Variants in CCDC34 observed in about 807,000 individuals in gnomAD.
The protein encoded by CCDC34 is coiled-coil domain containing 34, also known as coiled-coil domain-containing protein 34.
In CCDC34, 40 loss-of-function variants were observed where a neutral mutation model predicts 44.1. The observed-to-expected ratio is 0.91, with a 90% CI of 0.70 to 1.18. The LOEUF (loss-of-function observed/expected upper bound fraction) is 1.18. Among genes scored for constraint, CCDC34 ranks in the 50% most tolerant of loss-of-function variants. CCDC34 has a pLI of 0.00. For synonymous variants in CCDC34, 159 were observed against 158.2 expected (o/e 1.01, Z -0.04); for missense variants, 466 against 452.3 (o/e 1.03, Z -0.28).
chr11:27,346,333 T>C (rs532650766), intron 3 of CCDC34, among the ~76,000 whole-genome samples: 39 of 144,398 alleles, frequency 2.7e-4, no homozygotes, highest in African/African-American at 9.0e-4. Context: ...GAGGCAGAGG[T>C]GCGGTGAGCC....
intron 2 of CCDC34, among the ~76,000 whole-genome samples, chr11:27,354,369 GTTA>G (rs1439357044): frequency 1.3e-5 from 2 of 152,240 alleles, no homozygotes; most frequent in East Asian, 3.9e-4. Flanking sequence ...CTTCATAGCA[GTTA>G]TTATGATCTC....
At chr11:27,351,237 C>T (rs930014292) in intron 2 of CCDC34, among the ~76,000 whole-genome samples, 2 of 152,172 alleles carry the variant, frequency 1.3e-5, no homozygotes, top group African/African-American at 4.8e-5. Flanking sequence ...AGATACCTTA[C>T]GTATCTTCTG....
intron 3 of CCDC34, among the ~76,000 whole-genome samples, chr11:27,344,407 T>C (rs926020600): frequency 3.3e-5 from 5 of 152,066 alleles, no homozygotes; most frequent in Non-Finnish European, 7.4e-5. Flanking sequence ...GTTACAAACA[T>C]GTATGCTATA....
chr11:27,362,910 G>A lies in CCDC34; in HGVS notation c.285C>T (p.Asp95=), dbSNP rs368035683. Residue 95 remains aspartate (D), a synonymous_variant, in exon 1 of 6, where the codon GAC becomes GAT. Transcript: ENST00000328697. ...EDEEDVDDEE[D]VDEDAHDSEA... ...CTGAATCATGGGCATCTTCATCCAC[G>A]TCTTCCTCATCATCCACGTCTTCCT... 6.3e-7 allele frequency: 1 copy of A among 1,592,004 alleles called. No individual in the cohort carries two copies.
At position 27,350,378 on chromosome 11, in the gene CCDC34, A is replaced by G. The variant is rs1290130706; in HGVS notation, c.560T>C (p.Ile187Thr). The change falls in exon 3 of 6, where the codon ATT becomes ACT. Residue 187 changes from isoleucine to threonine, a missense_variant. Transcript: ENST00000328697. ...EMEEREKRKI[I>T]AEEKHKEWVQ... is the part of the protein sequence containing the mutation. The stretch of plus-strand genomic sequence containing the variant: ...CCATTCCTTGTGCTTTTCTTCAGCA[A>G]TTATCTTTCTTTTTTCACGTTCTTC... 2 of 1,613,288 alleles carry G rather than the reference A, an allele frequency of 1.2e-6. No homozygotes were observed. The highest frequency in any genetic ancestry group is 2.2e-5 in the East Asian group (1 of 44,840).
At chr11:27,345,620 A>G (rs12804551) in intron 3 of CCDC34, among the ~76,000 whole-genome samples, 2 of 151,802 alleles carry the variant, frequency 1.3e-5, no homozygotes, top group South Asian at 2.1e-4. Context: ...TGAACTCATC[A>G]TTTTTTATGG....
intron 3 of CCDC34, chr11:27,349,334 T>G: frequency 1.1e-6 from 1 of 898,540 alleles, no homozygotes; most frequent in Non-Finnish European, 1.3e-6. Context: ...AGTAATTGAC[T>G]TCTAAACAAA....
At chr11:27,346,330 A>G (rs1184862622) in intron 3 of CCDC34, among the ~76,000 whole-genome samples, 1 of 149,508 alleles carries the variant, frequency 6.7e-6, no homozygotes, top group East Asian at 2.0e-4. Context: ...CGGGAGGCAG[A>G]GGTGCGGTGA....
intron 2 of CCDC34, 47 bp downstream of exon 2, chr11:27,357,356 C>T: frequency 6.4e-7 from 1 of 1,562,998 alleles, no homozygotes; most frequent in Non-Finnish European, 8.7e-7. Flanking sequence ...TGCAGCTCTA[C>T]TTTGTGAGCT....
intron 2 of CCDC34, among the ~76,000 whole-genome samples, chr11:27,354,298 T>G (rs982048144): frequency 6.6e-6 from 1 of 152,212 alleles, no homozygotes; most frequent in Non-Finnish European, 1.5e-5. Flanking sequence ...TATACCCTGC[T>G]ACATGCTTAT....
At position 27,338,919 on chromosome 11, in the gene CCDC34, T is replaced by C; in HGVS notation, c.1024A>G (p.Arg342Gly). The C allele has an allele frequency of 1.2e-6, 2 of 1,613,816 alleles. No homozygotes were observed. The highest frequency in any genetic ancestry group is 2.2e-5 in the South Asian group (2 of 91,060). The change falls in exon 6 of 6, where the codon AGA (arginine) becomes GGA (glycine). Residue 342 changes from arginine (R) to glycine (G), a missense_variant. Arg to Gly is a moderately radical substitution (Grantham distance 125). Coordinates refer to ENST00000328697, the MANE Select transcript of CCDC34 (RefSeq NM_030771.2). ...TTGTGTGGCTGACTTATCACAGGTC[T>C]TTTACTCTTCCTTCCTGATAGATCC... ...AKDLSGRKSK[R>G]PVISQPHKSS...
chr11:27,343,785 G>A (rs1275216334), intron 3 of CCDC34, among the ~76,000 whole-genome samples: 2 of 152,130 alleles, frequency 1.3e-5, no homozygotes, highest in African/African-American at 4.8e-5. Context: ...ATGTGAGGTA[G>A]ATACCATTAT....
chr11:27,349,537 TC>T, intron 3 of CCDC34: 2 of 943,764 alleles, frequency 2.1e-6, no homozygotes, highest in Non-Finnish European at 2.5e-6. Flanking sequence ...TAAACATTTT[TC>T]CACATTTGTA....
chr11:27,358,841 C>T (rs1433293622), intron 1 of CCDC34, among the ~76,000 whole-genome samples: 1 of 152,056 alleles, frequency 6.6e-6, no homozygotes, highest in African/African-American at 2.4e-5. Context: ...ACCCTTCCCA[C>T]CAAGAAAGTA....
chr11:27,340,662 A>G, intron 5 of CCDC34, 34 bp downstream of exon 5: 1 of 1,570,074 alleles, frequency 6.4e-7, no homozygotes, highest in Non-Finnish European at 8.6e-7. Context: ...TCTGCAAACC[A>G]TATTTATGTA....
intron 3 of CCDC34, among the ~76,000 whole-genome samples, chr11:27,345,532 G>A (rs910532794): frequency 3.3e-5 from 5 of 152,214 alleles, no homozygotes; most frequent in South Asian, 2.1e-4. Context: ...GAGAACATGC[G>A]ATGTTTGGTT....
chr11:27,349,829 T>C, intron 3 of CCDC34: 1 of 968,156 alleles, frequency 1.0e-6, no homozygotes, highest in Non-Finnish European at 1.2e-6. Flanking sequence ...CAATCCAGTA[T>C]AAGAAGTAAA....
At chr11:27,355,199 G>C (rs542948706) in intron 2 of CCDC34, among the ~76,000 whole-genome samples, 1 of 152,196 alleles carries the variant, frequency 6.6e-6, no homozygotes, top group Admixed American at 6.5e-5. Context: ...TTAACTCACA[G>C]GATCAGTATT....
chr11:27,345,658 G>A (rs1862422745), intron 3 of CCDC34, among the ~76,000 whole-genome samples: 1 of 152,152 alleles, frequency 6.6e-6, no homozygotes, highest in African/African-American at 2.4e-5. Flanking sequence ...GTGTATATGT[G>A]CCACATTTTC....
Sources: gnomAD v4.1 joint callset for allele counts (sites outside exome capture counted in the v4.1 genomes callset) on GRCh38, gnomAD v4.1.1 for gene constraint, MANE v1.5 for transcripts, NCBI Gene and HGNC (gene_info 2026-07-23, HGNC 2026-07-21) for gene names.